The following CHRM3 variants were observed in gnomAD, a reference collection of about 807,000 sequenced individuals.
CHRM3 encodes muscarinic acetylcholine receptor M3.
A neutral mutation model predicts 41.8 loss-of-function variants in CHRM3; 11 were observed. The observed-to-expected ratio is 0.26, with a 90% CI of 0.17 to 0.44. The LOEUF (loss-of-function observed/expected upper bound fraction) is 0.44, where lower values mean the gene tolerates loss of function less well. CHRM3 is among the 20% of genes least tolerant of loss of function. The pLI, the probability that CHRM3 is intolerant of heterozygous loss-of-function variation, is 1.00. For missense variants in CHRM3, 571 were observed against 745.4 expected, an observed-to-expected ratio of 0.77 and a Z score of 2.72; for synonymous variants, 297 against 301.4, an observed-to-expected ratio of 0.99 and a Z score of 0.15.
chr1:239,698,484 T>C (rs763774031), intron 5 of CHRM3, among the ~76,000 whole-genome samples: 1 of 152,178 alleles, frequency 6.6e-6, no homozygotes, highest in Non-Finnish European at 1.5e-5. Context: ...ACTCAAACAC[T>C]TCATCTACAA....
intron 5 of CHRM3, among the ~76,000 whole-genome samples, chr1:239,770,145 GC>G (rs1168513256): frequency 2.6e-5 from 4 of 152,134 alleles, no homozygotes; most frequent in Non-Finnish European, 5.9e-5. Context: ...GGAGAGTACA[GC>G]CGACCTATGG....
chr1:239,613,985 C>T (rs1667346785), intron 3 of CHRM3, among the ~76,000 whole-genome samples: 1 of 151,916 alleles, frequency 6.6e-6, no homozygotes, highest in South Asian at 2.1e-4. Flanking sequence ...TGAAATACCC[C>T]TCTCTACAAA....
At chr1:239,470,361 C>A (rs1157637352) in intron 1 of CHRM3, among the ~76,000 whole-genome samples, 2 of 152,160 alleles carry the variant, frequency 1.3e-5, no homozygotes, top group South Asian at 4.1e-4. Flanking sequence ...GCCACCAGTG[C>A]TGGGAAAGGA....
At chr1:239,842,322 G>A (rs536060345) in intron 6 of CHRM3, among the ~76,000 whole-genome samples, 4 of 151,396 alleles carry the variant, frequency 2.6e-5, no homozygotes, top group Admixed American at 6.6e-5. Flanking sequence ...CTCGGACTCC[G>A]CCTCCCGGTT....
chr1:239,588,666 G>A (rs1663697058), intron 3 of CHRM3, among the ~76,000 whole-genome samples: 1 of 152,058 alleles, frequency 6.6e-6, no homozygotes, highest in Admixed American at 6.6e-5. Context: ...TTTGTCCTGT[G>A]ACAAAAGAAC....
chr1:239,514,916 G>T (rs556292550), intron 2 of CHRM3, among the ~76,000 whole-genome samples: 11 of 152,128 alleles, frequency 7.2e-5, no homozygotes, highest in African/African-American at 2.2e-4. Flanking sequence ...GAAATTTGAA[G>T]GACTCTCTCA....
At chr1:239,393,707 T>G in intron 1 of CHRM3, among the ~76,000 whole-genome samples, 1 of 152,196 alleles carries the variant, frequency 6.6e-6, no homozygotes, top group Non-Finnish European at 1.5e-5. Context: ...AAACTGAAAA[T>G]CGGTCTGACT....
At chr1:239,480,819 A>T (rs748320546) in intron 1 of CHRM3, among the ~76,000 whole-genome samples, 4 of 152,012 alleles carry the variant, frequency 2.6e-5, no homozygotes, top group Non-Finnish European at 4.4e-5. Flanking sequence ...CGGCCTCCCA[A>T]AGTGCTGGGA....
intron 1 of CHRM3, among the ~76,000 whole-genome samples, chr1:239,450,951 A>T: frequency 6.6e-6 from 1 of 152,226 alleles, no homozygotes; most frequent in Admixed American, 6.5e-5. Context: ...GCACTTTGGG[A>T]GGCCATGACA....
At chr1:239,414,626 G>A (rs1661357267) in intron 1 of CHRM3, among the ~76,000 whole-genome samples, 1 of 152,218 alleles carries the variant, frequency 6.6e-6, no homozygotes. Context: ...CAGCATGCCA[G>A]ATTTCATATA....
intron 1 of CHRM3, among the ~76,000 whole-genome samples, chr1:239,421,236 T>C (rs1360514828): frequency 6.6e-6 from 1 of 152,222 alleles, no homozygotes; most frequent in Non-Finnish European, 1.5e-5. Context: ...AAAAATTCTT[T>C]CTGATTTTAG....
At chr1:239,566,286 C>T (rs72756760) in intron 3 of CHRM3, among the ~76,000 whole-genome samples, 4,562 of 152,206 alleles carry the variant, frequency 0.03, 87 homozygotes, top group Middle Eastern at 0.058. Flanking sequence ...AATGTGAATC[C>T]GGAGATTATG....
chr1:239,795,928 G>C (rs917424475), intron 5 of CHRM3, among the ~76,000 whole-genome samples: 1 of 152,124 alleles, frequency 6.6e-6, no homozygotes. Context: ...CAAGGATAAG[G>C]GTGTAAGGGG....
chr1:239,554,042 A>G (rs981735618), intron 3 of CHRM3, among the ~76,000 whole-genome samples: 1 of 152,050 alleles, frequency 6.6e-6, no homozygotes, highest in African/African-American at 2.4e-5. Context: ...GGCATGTGCC[A>G]CTACACCTGG....
intron 3 of CHRM3, among the ~76,000 whole-genome samples, chr1:239,630,276 T>C (rs939456704): frequency 6.6e-6 from 1 of 152,228 alleles, no homozygotes; most frequent in African/African-American, 2.4e-5. Flanking sequence ...TGATCTGAAT[T>C]TCAACATGTA....
At chr1:239,771,292 G>T (rs938071293) in intron 5 of CHRM3, among the ~76,000 whole-genome samples, 2 of 151,834 alleles carry the variant, frequency 1.3e-5, no homozygotes, top group South Asian at 4.2e-4. Flanking sequence ...GCCTCCTTCC[G>T]TTTGCACCTT....
chr1:239,896,404 C>T (rs1259047107), intron 6 of CHRM3, among the ~76,000 whole-genome samples: 2 of 152,198 alleles, frequency 1.3e-5, no homozygotes, highest in Admixed American at 6.5e-5. Flanking sequence ...AGAACCACAT[C>T]CCCAGTCTAA....
intron 6 of CHRM3, among the ~76,000 whole-genome samples, chr1:239,889,630 T>G (rs1678379149): frequency 1.3e-5 from 2 of 152,212 alleles, no homozygotes; most frequent in Admixed American, 1.3e-4. Context: ...TCTGCCTAAA[T>G]AATTTCTTTC....
rs370997658 is a variant in CHRM3 at position 239,396,896 on chromosome 1, A to G, written c.-521+9669A>G. 4.0e-4 allele frequency among the ~76,000 whole-genome samples: 61 copies of G among 152,324 alleles called. 2 individuals are homozygous for G. The highest frequency in any genetic ancestry group is 1.6e-3 in the Admixed American group (25 of 15,292). ...CTATCTCCTCTTCTTAAAATCTGCAACTTATTCCAAAAGATTGACTGATTT... is the reference window on the plus strand; with the variant it reads ...CTATCTCCTCTTCTTAAAATCTGCAGCTTATTCCAAAAGATTGACTGATTT... On this transcript the variant is annotated intron_variant, in intron 1 of 6. Coordinates refer to ENST00000676153, the MANE Select transcript of CHRM3 (RefSeq NM_001375978.1).
Sources: allele counts gnomAD v4.1 joint callset (sites outside exome capture counted in the v4.1 genomes callset), GRCh38; gene constraint gnomAD v4.1.1; transcripts MANE v1.5; gene names NCBI Gene and HGNC (gene_info 2026-07-23, HGNC 2026-07-21).